XKR9: variants seen among roughly 807,000 people sequenced by gnomAD.
The protein encoded by XKR9 is XK related 9.
A neutral mutation model predicts 32.0 loss-of-function variants in XKR9; 32 were observed. That is an observed-to-expected ratio of 1.00 (90% CI 0.76 to 1.34). The LOEUF (loss-of-function observed/expected upper bound fraction) is 1.34, where lower values mean the gene tolerates loss of function less well. Among genes scored for constraint, XKR9 ranks in the 40% most tolerant of loss-of-function variants. The pLI, the probability that XKR9 is intolerant of heterozygous loss-of-function variation, is 0.00. For missense variants in XKR9, 546 were observed against 429.7 expected (o/e 1.27, Z -2.39); for synonymous variants, 168 against 143.4 (o/e 1.17, Z -1.22).
Position 70,772,594 on chromosome 8 carries a change from A to T in XKR9, n.353-16745A>T, listed in dbSNP as rs114293408. On this transcript the variant is annotated intron_variant and non_coding_transcript_variant, in intron 2 of 3. Transcript: ENST00000520273. The stretch of plus-strand genomic sequence containing the variant: ...TTGTGACATTGACAGGAGTTTAGAA[A>T]TGAATACTGTGTAAGGTTTCATTTT... 5.6e-3 allele frequency among the ~76,000 whole-genome samples: 847 copies of T among 152,330 alleles called. 8 individuals carry two copies. The highest frequency in any genetic ancestry group is 0.02 in the African/African-American group (821 of 41,574).
the XKR9 span, among the ~76,000 whole-genome samples, chr8:70,843,642 G>T: frequency 5.9e-5 from 9 of 152,304 alleles, no homozygotes; most frequent in South Asian, 2.1e-4. Flanking sequence ...ACCTGGGGAG[G>T]TTCCCTAATG....
At chr8:70,690,086 T>A (rs1475772551) in intron 3 of XKR9, among the ~76,000 whole-genome samples, 2 of 152,196 alleles carry the variant, frequency 1.3e-5, no homozygotes, top group African/African-American at 4.8e-5. Context: ...TTTACTCTTT[T>A]TTTGTTTTTC....
chr8:71,049,793 G>A, the XKR9 span, among the ~76,000 whole-genome samples: 1 of 152,142 alleles, frequency 6.6e-6, no homozygotes, highest in Non-Finnish European at 1.5e-5. Flanking sequence ...TACATAAAGA[G>A]AGAAAAATGG....
At chr8:70,865,467 CA>C in the XKR9 span, among the ~76,000 whole-genome samples, 64 of 146,672 alleles carry the variant, frequency 4.4e-4, no homozygotes, top group East Asian at 1.2e-3. Context: ...CTCACTTTCT[CA>C]AAAAAAAAAG....
chr8:70,711,387 G>A (rs1238812889), intron 4 of XKR9, among the ~76,000 whole-genome samples: 1 of 152,272 alleles, frequency 6.6e-6, no homozygotes, highest in Non-Finnish European at 1.5e-5. Flanking sequence ...ATGTCAATCA[G>A]TTGTGAATTG....
chr8:71,010,907 G>C, the XKR9 span, among the ~76,000 whole-genome samples: 1 of 152,104 alleles, frequency 6.6e-6, no homozygotes, highest in African/African-American at 2.4e-5. Context: ...GTCATCCTAG[G>C]GCGATTCCAG....
At chr8:70,840,636 A>C in the XKR9 span, among the ~76,000 whole-genome samples, 1 of 152,142 alleles carries the variant, frequency 6.6e-6, no homozygotes, top group Non-Finnish European at 1.5e-5. Context: ...CCAGAAGTTC[A>C]GCATCACCCA....
chr8:71,004,452 C>A, the XKR9 span, among the ~76,000 whole-genome samples: 3 of 152,260 alleles, frequency 2.0e-5, no homozygotes, highest in East Asian at 5.8e-4. Flanking sequence ...AATGGAAAGA[C>A]AAACAATTGT....
chr8:70,953,110 G>A, the XKR9 span, among the ~76,000 whole-genome samples: 4 of 152,172 alleles, frequency 2.6e-5, no homozygotes, highest in Admixed American at 1.3e-4. Context: ...GAGAAGTACT[G>A]CAGCAAACTA....
chr8:70,814,344 A>G, the XKR9 span, among the ~76,000 whole-genome samples: 1 of 152,142 alleles, frequency 6.6e-6, no homozygotes, highest in Admixed American at 6.5e-5. Flanking sequence ...CTAATGCTAA[A>G]TGATGAGTTA....
chr8:70,975,961 C>T, the XKR9 span, among the ~76,000 whole-genome samples: 6 of 152,186 alleles, frequency 3.9e-5, no homozygotes, highest in South Asian at 1.2e-3. Flanking sequence ...CCTTCACATC[C>T]CTTGGAAGTT....
the XKR9 span, among the ~76,000 whole-genome samples, chr8:70,844,509 G>C: frequency 3.3e-5 from 5 of 152,204 alleles, no homozygotes. Context: ...TATTGTTGCT[G>C]CTGCAGTCAC....
the XKR9 span, among the ~76,000 whole-genome samples, chr8:70,812,553 A>G: frequency 6.6e-6 from 1 of 152,218 alleles, no homozygotes; most frequent in Admixed American, 6.5e-5. Flanking sequence ...CCATCGTCTC[A>G]GCCCAAAATC....
the XKR9 span, among the ~76,000 whole-genome samples, chr8:71,063,867 T>G: frequency 6.6e-6 from 1 of 152,178 alleles, no homozygotes; most frequent in Non-Finnish European, 1.5e-5. Context: ...ATAGTTAGGG[T>G]TGGTTCAGAT....
the XKR9 span, among the ~76,000 whole-genome samples, chr8:70,929,805 G>T: frequency 1.3e-5 from 2 of 152,132 alleles, no homozygotes; most frequent in Non-Finnish European, 2.9e-5. Context: ...TGTTTTCAAA[G>T]GGCTCACTTG....
At chr8:70,805,261 G>A in the XKR9 span, among the ~76,000 whole-genome samples, 2 of 152,164 alleles carry the variant, frequency 1.3e-5, no homozygotes, top group South Asian at 2.1e-4. Flanking sequence ...TTTTTCCATG[G>A]AACTGTGCAA....
the XKR9 span, among the ~76,000 whole-genome samples, chr8:70,861,012 G>A: frequency 9.9e-5 from 15 of 152,064 alleles, no homozygotes; most frequent in African/African-American, 3.1e-4. Context: ...TATATTGTCT[G>A]TCTTCTCTTT....
the XKR9 span, among the ~76,000 whole-genome samples, chr8:71,026,509 A>G: frequency 6.6e-6 from 1 of 152,226 alleles, no homozygotes; most frequent in Non-Finnish European, 1.5e-5. Flanking sequence ...AGAAGAAAGT[A>G]TGTACGGTGT....
chr8:71,061,732 G>C, the XKR9 span, among the ~76,000 whole-genome samples: 2 of 152,174 alleles, frequency 1.3e-5, no homozygotes, highest in Non-Finnish European at 2.9e-5. Flanking sequence ...TATCCCAAGG[G>C]AGTGAGAAGC....
Sources: gnomAD v4.1 joint callset for allele counts (sites outside exome capture counted in the v4.1 genomes callset) on GRCh38, gnomAD v4.1.1 for gene constraint, MANE v1.5 for transcripts, NCBI Gene and HGNC (gene_info 2026-07-23, HGNC 2026-07-21) for gene names.